Variants in CDKL2 observed in about 807,000 individuals in gnomAD.
The protein encoded by CDKL2 is cyclin-dependent kinase-like 2.
CDKL2 carries 64 observed loss-of-function variants against 63.9 expected under a neutral mutation model. The observed-to-expected ratio is 1.00, with a 90% confidence interval of 0.82 to 1.23. The LOEUF is 1.23. CDKL2 is among the 50% of genes most tolerant of loss of function. CDKL2 has a pLI of 0.00. For synonymous variants in CDKL2, 211 were observed against 229.2 expected (o/e 0.92, Z 0.72); for missense variants, 656 against 668.0 (o/e 0.98, Z 0.20).
At chr4:75,619,427 ACCAGAGCACACAGG>A (rs1466559243) in intron 2 of CDKL2, among the ~76,000 whole-genome samples, 1 of 152,076 alleles carries the variant, frequency 6.6e-6, no homozygotes. Flanking sequence ...GAAAAAATTC[ACCAGAGCACACAGG>A]CCAGAGATGG....
intron 2 of CDKL2, among the ~76,000 whole-genome samples, chr4:75,620,428 A>T (rs1171903859): frequency 6.6e-6 from 1 of 152,214 alleles, no homozygotes; most frequent in Non-Finnish European, 1.5e-5. Flanking sequence ...CATGAAAAGT[A>T]ACATAACAGA....
At chr4:75,600,238 C>T in intron 7 of CDKL2, 43 bp downstream of exon 7, 1 of 1,287,156 alleles carries the variant, frequency 7.8e-7, no homozygotes, top group Middle Eastern at 1.9e-4. Flanking sequence ...AAGACTTTAA[C>T]CCTAGGTTGG....
In CDKL2 at chr4:75,607,451, T is replaced by C. The variant is rs1729471178; in HGVS notation, c.364-90A>G. On this transcript the variant is annotated intron_variant, in intron 3 of 13. Transcript: ENST00000307465. ...TGCAGGGCATTGTATGTTGTCCCTATAAAGAATACAAACAAAAGCATAGAA... is the reference window on the plus strand; with the variant it reads ...TGCAGGGCATTGTATGTTGTCCCTACAAAGAATACAAACAAAAGCATAGAA... 8 of 957,998 alleles carry C rather than the reference T, an allele frequency of 8.4e-6. No homozygotes were observed. In the Admixed American group the frequency reaches 2.1e-4, roughly 25 times the overall value. 59.3% of individuals were successfully genotyped at this position (957,998 alleles called of 1,614,324 possible). A position where few individuals can be genotyped will look rare whatever the true frequency, so the allele number is the denominator to read the frequency against.
chr4:75,594,004 A>G (rs965370134), intron 10 of CDKL2, among the ~76,000 whole-genome samples: 8 of 152,268 alleles, frequency 5.3e-5, no homozygotes, highest in Admixed American at 4.6e-4. Context: ...ATAAGCCTAG[A>G]CTTTCTTCAA....
intron 2 of CDKL2, among the ~76,000 whole-genome samples, chr4:75,623,936 C>G (rs1730280561): frequency 6.6e-6 from 1 of 151,920 alleles, no homozygotes; most frequent in Non-Finnish European, 1.5e-5. Flanking sequence ...GAGTTTGAGA[C>G]CAGCCTGGCC....
At chr4:75,597,377 G>A in intron 8 of CDKL2, 141 bp from the exon 9 acceptor site, 1 of 616,768 alleles carries the variant, frequency 1.6e-6, no homozygotes, top group Admixed American at 3.0e-5. Flanking sequence ...TCTTCCTAGG[G>A]GATTAAAATT....
intron 4 of CDKL2, among the ~76,000 whole-genome samples, chr4:75,606,923 A>G (rs1423349017): frequency 6.6e-6 from 1 of 152,186 alleles, no homozygotes; most frequent in Admixed American, 6.5e-5. Flanking sequence ...ACCTCTCTTT[A>G]CAAGTGATAA....
chr4:75,587,793 A>G (rs1728536871), intron 12 of CDKL2, among the ~76,000 whole-genome samples: 1 of 151,306 alleles, frequency 6.6e-6, no homozygotes, highest in East Asian at 1.9e-4. Flanking sequence ...AGTCCCAGCT[A>G]CTTGGGAGGC....
intron 2 of CDKL2, among the ~76,000 whole-genome samples, chr4:75,622,212 G>A (rs1730183404): frequency 1.3e-5 from 2 of 152,044 alleles, no homozygotes; most frequent in South Asian, 4.1e-4. Context: ...ATCCAAATAT[G>A]TAAGTTTTAT....
intron 10 of CDKL2, among the ~76,000 whole-genome samples, chr4:75,594,448 G>GA (rs35315033): frequency 0.01 from 1,381 of 137,032 alleles, 17 homozygotes; most frequent in African/African-American, 0.024. Context: ...ATTCTGACTC[G>GA]AAAAAAAAAA....
chr4:75,607,432 G>A, intron 3 of CDKL2, 71 bp from the exon 4 acceptor site: 1 of 1,183,752 alleles, frequency 8.4e-7, no homozygotes, highest in Non-Finnish European at 1.2e-6. Context: ...TATGTGCAGG[G>A]CATTGTATGT....
At chr4:75,626,704 C>A (rs1054479986) in intron 1 of CDKL2, among the ~76,000 whole-genome samples, 14 of 148,130 alleles carry the variant, frequency 9.5e-5, no homozygotes, top group Non-Finnish European at 1.9e-4. Flanking sequence ...GCCTGGGCAA[C>A]ATACTGAGAC....
intron 2 of CDKL2, among the ~76,000 whole-genome samples, chr4:75,622,163 A>C (rs965072283): frequency 6.6e-6 from 1 of 152,246 alleles, no homozygotes; most frequent in South Asian, 2.1e-4. Context: ...AAAAGAAAAA[A>C]CCTAGATATA....
intron 6 of CDKL2, among the ~76,000 whole-genome samples, chr4:75,602,659 T>A (rs1162089505): frequency 6.6e-6 from 1 of 152,066 alleles, no homozygotes; most frequent in Non-Finnish European, 1.5e-5. Flanking sequence ...GTAGCTGGGA[T>A]TACAGACATG....
rs142364748 is a variant in CDKL2, at chr4:75,625,275, CAAAT to C, written c.168+542_168+545del. ...CTCAGAACATAGGGCAGTTGTCTCA[CAAAT>C]AAATAACCAGGAAAGAATAACCTAG... On this transcript the variant is annotated intron_variant, in intron 2 of 13. Coordinates refer to ENST00000307465, the MANE Select transcript of CDKL2 (RefSeq NM_001330724.2). Among the ~76,000 whole-genome samples the C allele has an allele frequency of 9.5e-3, 1,447 of 151,750 alleles. 13 individuals carry two copies. The highest frequency in any genetic ancestry group is 0.015 in the Non-Finnish European group (1,006 of 67,906).
chr4:75,583,896 G>A (rs1728363894), intron 12 of CDKL2, among the ~76,000 whole-genome samples: 2 of 152,100 alleles, frequency 1.3e-5, no homozygotes. Context: ...AGGAAAAACA[G>A]AGGAGCAAAC....
chr4:75,626,042 A>T (rs888613820), intron 1 of CDKL2, 25 bp from the exon 2 acceptor site: 2 of 1,451,298 alleles, frequency 1.4e-6, no homozygotes, highest in Non-Finnish European at 1.9e-6. Flanking sequence ...ACATAGATTT[A>T]ACAAAGTTGA....
chr4:75,608,986 T>G (rs1029782615), intron 3 of CDKL2, among the ~76,000 whole-genome samples: 1 of 133,144 alleles, frequency 7.5e-6, no homozygotes, highest in Admixed American at 8.3e-5. Flanking sequence ...AGAGCGAGAC[T>G]CCATCTCAAG....
At chr4:75,609,781 G>A (rs6832912) in intron 3 of CDKL2, among the ~76,000 whole-genome samples, 132,799 of 151,678 alleles carry the variant, frequency 0.88, 58,153 homozygotes, top group East Asian at 0.92. Context: ...TAACTCTTTC[G>A]GAAGACCAGC....
Sources: allele counts gnomAD v4.1 joint callset (sites outside exome capture counted in the v4.1 genomes callset), GRCh38; gene constraint gnomAD v4.1.1; transcripts MANE v1.5; gene names NCBI Gene and HGNC (gene_info 2026-07-23, HGNC 2026-07-21).